Variants in CD28 observed in about 807,000 individuals in gnomAD.
The protein encoded by CD28 is T-cell-specific surface glycoprotein CD28.
A neutral mutation model predicts 21.4 loss-of-function variants in CD28; 8 were observed. The ratio of observed to expected loss-of-function variants is 0.37; its 90% CI spans 0.22 to 0.68. CD28 has a LOEUF of 0.68. Ranked by LOEUF, CD28 falls within the 30% of genes least tolerant of loss-of-function variation. The pLI, the probability that CD28 is intolerant of heterozygous loss-of-function variation, is 0.55. For missense variants in CD28, 239 were observed against 272.2 expected, an observed-to-expected ratio of 0.88 and a Z score of 0.86; for synonymous variants, 106 against 104.0, an observed-to-expected ratio of 1.02 and a Z score of -0.12.
At chr2:203,729,250 T>C (rs1055462674) in intron 2 of CD28, among the ~76,000 whole-genome samples, 2 of 152,230 alleles carry the variant, frequency 1.3e-5, no homozygotes, top group Non-Finnish European at 2.9e-5. Flanking sequence ...GATGATTTTC[T>C]TAAGGCTTGA....
chr2:203,722,308 A>G (rs1458905481), intron 1 of CD28, among the ~76,000 whole-genome samples: 1 of 152,240 alleles, frequency 6.6e-6, no homozygotes, highest in Non-Finnish European at 1.5e-5. Context: ...TAAGTAAAAA[A>G]AGGAAACAAA....
chr2:203,734,456 G>T (rs574154106), intron 3 of CD28, among the ~76,000 whole-genome samples: 1 of 152,374 alleles, frequency 6.6e-6, no homozygotes, highest in South Asian at 2.1e-4. Context: ...GCTTAACCTA[G>T]TCAAAGGAGG....
chr2:203,708,225 G>A (rs375525720), intron 1 of CD28, among the ~76,000 whole-genome samples: 1 of 152,192 alleles, frequency 6.6e-6, no homozygotes, highest in African/African-American at 2.4e-5. Context: ...ATGGTCTGAC[G>A]TACCAGTGAG....
intron 1 of CD28, among the ~76,000 whole-genome samples, chr2:203,719,079 T>C (rs982944453): frequency 3.3e-5 from 5 of 152,252 alleles, no homozygotes; most frequent in African/African-American, 1.2e-4. Context: ...TGTATTTTTT[T>C]CTAGATATGA....
chr2:203,723,784 C>T (rs1158495682), intron 1 of CD28, among the ~76,000 whole-genome samples: 1 of 152,208 alleles, frequency 6.6e-6, no homozygotes, highest in East Asian at 1.9e-4. Flanking sequence ...CCCTCATTCA[C>T]TGCTGGTGAG....
rs1447412994 is a variant in CD28, at chr2:203,735,777, A to T, written c.*865A>T. 6.6e-6 allele frequency: 1 copy of T among 152,230 alleles called. No homozygotes were observed. Among genetic ancestry groups the T allele is most frequent in the Non-Finnish European group, 1.5e-5 (1 of 68,092 alleles). 9.4% of individuals were successfully genotyped at this position (152,230 alleles called of 1,614,324 possible). A position where few individuals can be genotyped will look rare whatever the true frequency, so the allele number is the denominator to read the frequency against. On this transcript the variant is annotated 3_prime_UTR_variant, in exon 4 of 4. Coordinates refer to ENST00000324106, the MANE Select transcript of CD28 (RefSeq NM_006139.4). ...ATGCTTGTAATCCCAGCACTTTGGG[A>T]GGCCGAGGTGGGCAGATCACTTGAG...
At chr2:203,710,019 C>T (rs887593486) in intron 1 of CD28, among the ~76,000 whole-genome samples, 1 of 152,332 alleles carries the variant, frequency 6.6e-6, no homozygotes, top group African/African-American at 2.4e-5. Context: ...TATTTGTACT[C>T]TAGTCTTCAG....
At chr2:203,722,194 C>T (rs1693621185) in intron 1 of CD28, among the ~76,000 whole-genome samples, 1 of 152,128 alleles carries the variant, frequency 6.6e-6, no homozygotes, top group Non-Finnish European at 1.5e-5. Context: ...AAGCAGAATA[C>T]AAATGCCTAA....
chr2:203,720,622 T>G (rs916514054), intron 1 of CD28, among the ~76,000 whole-genome samples: 19 of 152,206 alleles, frequency 1.2e-4, no homozygotes, highest in Admixed American at 1.1e-3. Flanking sequence ...TGTCCTTACA[T>G]TTGTAATATG....
intron 2 of CD28, among the ~76,000 whole-genome samples, chr2:203,727,670 T>C (rs1693789609): frequency 9.1e-6 from 1 of 109,530 alleles, no homozygotes; most frequent in African/African-American, 3.5e-5. Flanking sequence ...ATTTATTTAT[T>C]TATTTTAATT....
intron 3 of CD28, among the ~76,000 whole-genome samples, chr2:203,730,108 T>A (rs957391130): frequency 2.2e-4 from 34 of 152,200 alleles, no homozygotes; most frequent in African/African-American, 8.0e-4. Flanking sequence ...TGCGTATATA[T>A]GTATAAACAC....
In CD28 at chr2:203,734,851, C is replaced by G; in HGVS notation, c.602C>G (p.Pro201Arg). ...YMNMTPRRPG[P>R]TRKHYQPYAP... ...AACATGACTCCCCGCCGCCCCGGGCCCACCCGCAAGCATTACCAGCCCTAT... is the reference window on the plus strand; with the variant it reads ...AACATGACTCCCCGCCGCCCCGGGCGCACCCGCAAGCATTACCAGCCCTAT... Residue 201 changes from proline to arginine, a missense_variant, in exon 4 of 4, where the codon CCC becomes CGC. Around this residue, in one of 3 missense-constraint regions of CD28, gnomAD observed 112 missense variants for 112.8 expected, o/e 0.99. Transcript: ENST00000324106. 6.2e-7 allele frequency: 1 copy of G among 1,614,220 alleles called. No homozygotes were observed. The highest frequency in any genetic ancestry group is 8.5e-7 in the Non-Finnish European group (1 of 1,180,040).
intron 2 of CD28, among the ~76,000 whole-genome samples, chr2:203,728,020 A>T (rs946160117): frequency 6.7e-6 from 1 of 148,494 alleles, no homozygotes; most frequent in Non-Finnish European, 1.5e-5. Flanking sequence ...CCGTGTTAGC[A>T]AGGATGGTCT....
At chr2:203,713,618 G>A (rs946183646) in intron 1 of CD28, among the ~76,000 whole-genome samples, 2 of 152,168 alleles carry the variant, frequency 1.3e-5, no homozygotes, top group African/African-American at 4.8e-5. Context: ...CAGAGACATG[G>A]AGAAGGAAGA....
rs1693438155 is a variant in CD28 at position 203,715,398 on chromosome 2, T to A, written c.52+8650T>A. On this transcript the variant is annotated intron_variant, in intron 1 of 3. Coordinates refer to ENST00000324106, the MANE Select transcript of CD28 (RefSeq NM_006139.4). Reference sequence around the variant, plus strand: ...TGTAAGTTAAGGTGCTCTTGCTATGTTGTCCCCTTAGATTGTCTTTCTAAC... The same window carrying A: ...TGTAAGTTAAGGTGCTCTTGCTATGATGTCCCCTTAGATTGTCTTTCTAAC... 2.0e-5 allele frequency among the ~76,000 whole-genome samples: 3 copies of A among 152,278 alleles called. No homozygotes were observed. The South Asian group carries it at 6.2e-4, about 32-fold the overall frequency.
At chr2:203,722,653 C>T (rs1007468767) in intron 1 of CD28, among the ~76,000 whole-genome samples, 3 of 152,212 alleles carry the variant, frequency 2.0e-5, no homozygotes, top group African/African-American at 7.2e-5. Flanking sequence ...AAGGGAAATG[C>T]ACATGAATCC....
rs1045708272 is a variant in CD28, at chr2:203,737,039, C to T, written c.*2127C>T. ...GGATGAGGTGCTATAATATGAGGAC[C>T]TTTTAACTTCCATCATTTTCCTGTT... On this transcript the variant is annotated 3_prime_UTR_variant, in exon 4 of 4. Transcript: ENST00000324106. 2.6e-5 allele frequency: 4 copies of T among 152,158 alleles called. No individual in the cohort carries two copies. The highest frequency in any genetic ancestry group is 6.5e-5 in the Admixed American group (1 of 15,276). The allele number at this position is 152,158 out of a possible 1,614,324, so 9.4% of individuals were successfully genotyped here. A position where few individuals can be genotyped will look rare whatever the true frequency, so the allele number is the denominator to read the frequency against.
intron 1 of CD28, among the ~76,000 whole-genome samples, chr2:203,712,145 T>C (rs1418423506): frequency 6.6e-6 from 1 of 152,016 alleles, no homozygotes; most frequent in Non-Finnish European, 1.5e-5. Context: ...TGAGCAGAGA[T>C]TGTGTCAATG....
At chr2:203,721,032 A>C (rs1289992086) in intron 1 of CD28, among the ~76,000 whole-genome samples, 1 of 152,212 alleles carries the variant, frequency 6.6e-6, no homozygotes, top group Non-Finnish European at 1.5e-5. Context: ...TGAGGATATA[A>C]ATATTGAGAA....
Sources: allele counts gnomAD v4.1 joint callset (sites outside exome capture counted in the v4.1 genomes callset), GRCh38; gene constraint gnomAD v4.1.1; regional missense constraint gnomAD v4.1.1; transcripts MANE v1.5; gene names NCBI Gene and HGNC (gene_info 2026-07-23, HGNC 2026-07-21).